Variants in STYXL1 observed in about 807,000 individuals in gnomAD.
The protein encoded by STYXL1 is serine/threonine/tyrosine interacting like 1, also known as serine/threonine/tyrosine-interacting-like protein 1.
A neutral mutation model predicts 36.4 loss-of-function variants in STYXL1; 32 were observed. The ratio of observed to expected loss-of-function variants is 0.88; its 90% CI spans 0.66 to 1.18. STYXL1 has a LOEUF of 1.18. Among genes scored for constraint, STYXL1 ranks in the 50% most tolerant of loss-of-function variants. The pLI is 0.00. For synonymous variants in STYXL1, 133 were observed against 144.1 expected (o/e 0.92, Z 0.55); for missense variants, 354 against 394.1 (o/e 0.90, Z 0.86).
In STYXL1 at chr7:76,000,894, A is replaced by C. The variant is rs782773046; in HGVS notation, c.806T>G (p.Leu269Trp). 25 of 1,613,622 alleles carry C rather than the reference A, an allele frequency of 1.5e-5. No individual in the cohort carries two copies. The African/African-American group carries it at 3.3e-4, about 22-fold the overall frequency. The stretch of plus-strand genomic sequence containing the variant: ...CCTGGCCCGGGGAACGCATACCTGC[A>C]AGGTCTGCTCGTTACTATGCATGAG... ...AYLMHSNEQTLQRSWAYVKKC... is the reference protein window; with the variant it reads ...AYLMHSNEQTWQRSWAYVKKC... The change falls in exon 8 of 9, where the codon TTG becomes TGG. Residue 269 changes from leucine (L) to tryptophan (W), a missense_variant. Physicochemically the swap from Leu to Trp is moderately conservative, Grantham distance 61. Coordinates refer to ENST00000359697, the MANE Select transcript of STYXL1 (RefSeq NM_001317785.2).
chr7:76,032,971 C>A lies in STYXL1; in HGVS notation c.-4-2444G>T, dbSNP rs543752564. On this transcript the variant is annotated intron_variant, in intron 1 of 8. Transcript: ENST00000359697. Reference sequence around the variant, plus strand: ...CCTTTGATGACACTGCAGAGGCCAACACAGATGGCCTCTACGTTAAGGATC... The same window carrying A: ...CCTTTGATGACACTGCAGAGGCCAAAACAGATGGCCTCTACGTTAAGGATC... Among the ~76,000 whole-genome samples the A allele has an allele frequency of 9.9e-5, 15 of 152,150 alleles. No homozygotes were observed. The East Asian group carries it at 2.7e-3, about 28-fold the overall frequency.
chr7:76,010,412 T>C (rs1792413208), intron 5 of STYXL1, among the ~76,000 whole-genome samples: 1 of 151,842 alleles, frequency 6.6e-6, no homozygotes, highest in African/African-American at 2.4e-5. Flanking sequence ...CCTTCTACGA[T>C]TCCGGTGAAG....
intron 5 of STYXL1, among the ~76,000 whole-genome samples, chr7:76,009,698 C>T (rs1223049222): frequency 6.6e-6 from 1 of 152,228 alleles, no homozygotes; most frequent in Non-Finnish European, 1.5e-5. Flanking sequence ...CGTGAGCCTC[C>T]AAGCCCAGCC....
intron 3 of STYXL1, among the ~76,000 whole-genome samples, chr7:76,024,993 T>C (rs1187137070): frequency 6.7e-6 from 1 of 149,198 alleles, no homozygotes; most frequent in African/African-American, 2.5e-5. Flanking sequence ...CATATTCTGT[T>C]TTCAAAAAAA....
chr7:76,013,717 G>A, intron 5 of STYXL1, 25 bp downstream of exon 5: 2 of 1,613,660 alleles, frequency 1.2e-6, no homozygotes, highest in Non-Finnish European at 1.7e-6. Context: ...GTCTGGGCCT[G>A]CCTGTGCTCA....
chr7:76,021,618 C>T (rs1375347148), intron 4 of STYXL1, among the ~76,000 whole-genome samples: 5 of 152,134 alleles, frequency 3.3e-5, no homozygotes, highest in African/African-American at 1.2e-4. Flanking sequence ...TCACCCTCCC[C>T]AATCCCCTTA....
chr7:76,007,863 T>A (rs1585203469), intron 5 of STYXL1, among the ~76,000 whole-genome samples: 1 of 146,248 alleles, frequency 6.8e-6, no homozygotes, highest in East Asian at 2.0e-4. Context: ...TACAGAGAGT[T>A]ATGACCGCAT....
intron 4 of STYXL1, among the ~76,000 whole-genome samples, chr7:76,018,487 T>G (rs782346582): frequency 7.9e-5 from 12 of 151,944 alleles, no homozygotes; most frequent in Non-Finnish European, 1.5e-4. Flanking sequence ...GCCTCCCAGG[T>G]TCAAGTGATT....
intron 1 of STYXL1, among the ~76,000 whole-genome samples, chr7:76,031,491 G>C (rs1554579319): frequency 6.6e-6 from 1 of 152,006 alleles, no homozygotes; most frequent in African/African-American, 2.4e-5. Flanking sequence ...GAGGTAGGTG[G>C]ATCACCTGAG....
At chr7:76,005,494 G>A (rs1366374343) in intron 5 of STYXL1, 90 bp from the exon 6 acceptor site, 43 of 1,286,698 alleles carry the variant, frequency 3.3e-5, no homozygotes, top group South Asian at 8.0e-5. Context: ...GCAAACGAGC[G>A]TAAAAGGGCA....
At chr7:76,003,621 G>A in intron 7 of STYXL1, 137 bp downstream of exon 7, 1 of 733,794 alleles carries the variant, frequency 1.4e-6, no homozygotes, top group South Asian at 1.8e-5. Context: ...CCCAGATGGA[G>A]CATATGCCGA....
At chr7:76,001,151 G>C (rs1790873668) in intron 7 of STYXL1, 149 bp from the exon 8 acceptor site, 1 of 649,588 alleles carries the variant, frequency 1.5e-6, no homozygotes, top group African/African-American at 1.8e-5. Flanking sequence ...TGATTTCTCT[G>C]GGAGCCCATT....
intron 1 of STYXL1, among the ~76,000 whole-genome samples, chr7:76,032,731 G>C (rs953469826): frequency 1.3e-4 from 19 of 151,960 alleles, no homozygotes; most frequent in African/African-American, 3.9e-4. Context: ...AAAACAAGTA[G>C]GATCCATTGT....
chr7:76,039,826 TTA>T (rs1183118173), intron 1 of STYXL1, among the ~76,000 whole-genome samples: 1 of 152,056 alleles, frequency 6.6e-6, no homozygotes, highest in African/African-American at 2.4e-5. Context: ...TTTTGTATTT[TTA>T]TAGAGACGGG....
At chr7:76,014,694 CATACAATACAT>C (rs1277910272) in intron 4 of STYXL1, among the ~76,000 whole-genome samples, 3 of 151,744 alleles carry the variant, frequency 2.0e-5, no homozygotes, top group African/African-American at 7.3e-5. Context: ...TGTATGATGT[CATACAATACAT>C]ATATCTCAGA....
At chr7:76,046,873 ACTC>A (rs1242419280) in intron 1 of STYXL1, among the ~76,000 whole-genome samples, 1 of 146,708 alleles carries the variant, frequency 6.8e-6, no homozygotes, top group Non-Finnish European at 1.5e-5. Context: ...CTGGTCATGA[ACTC>A]CTGGCCTCAA....
At chr7:76,019,516 G>T (rs532440423) in intron 4 of STYXL1, among the ~76,000 whole-genome samples, 58 of 151,674 alleles carry the variant, frequency 3.8e-4, no homozygotes, top group African/African-American at 1.4e-3. Flanking sequence ...GTTGCCCAGG[G>T]TGGTCTCAAA....
At chr7:76,046,913 A>T (rs1382560151) in intron 1 of STYXL1, among the ~76,000 whole-genome samples, 5 of 150,978 alleles carry the variant, frequency 3.3e-5, no homozygotes, top group African/African-American at 1.2e-4. Flanking sequence ...AGCCTCCCAG[A>T]GTGCTGGGAT....
At chr7:75,999,511 A>ATATGTGTGTGTGTGTGTGTGTATATG (rs1554565620) in intron 8 of STYXL1, among the ~76,000 whole-genome samples, 1 of 95,908 alleles carries the variant, frequency 1.0e-5, no homozygotes, top group Non-Finnish European at 2.0e-5. Context: ...GTGTGTGTGT[A>ATATGTGTGTGTGTGTGTGTGTATATG]TGTGTGTGTG....
Sources: gnomAD v4.1 joint callset for allele counts (sites outside exome capture counted in the v4.1 genomes callset) on GRCh38, gnomAD v4.1.1 for gene constraint, MANE v1.5 for transcripts, NCBI Gene and HGNC (gene_info 2026-07-23, HGNC 2026-07-21) for gene names.